Variants in SIRT2 observed in about 807,000 individuals in gnomAD.
SIRT2 encodes the protein NAD-dependent protein deacetylase sirtuin-2.
SIRT2 carries 40 observed loss-of-function variants against 57.4 expected under a neutral mutation model. That is an observed-to-expected ratio of 0.70 (90% confidence interval 0.54 to 0.91). The LOEUF (loss-of-function observed/expected upper bound fraction) is 0.91, where lower values mean the gene tolerates loss of function less well. Among genes scored for constraint, SIRT2 ranks in the 40% least tolerant of loss-of-function variants. SIRT2 has a pLI of 0.00. For synonymous variants in SIRT2, 161 were observed against 195.7 expected, an observed-to-expected ratio of 0.82 and a Z score of 1.48; for missense variants, 439 against 510.4, an observed-to-expected ratio of 0.86 and a Z score of 1.35.
chr19:38,879,257 C>G lies in SIRT2; in HGVS notation c.1068G>C (p.Ser356=). ...RREHASIDAQ[S]GAGVPNPSTS... Reference sequence around the variant, plus strand: ...TGCTGGGGTTGGGGACCCCCGCCCCCGACTGGGCATCTATGCTGGCGTGCT... The same window carrying G: ...TGCTGGGGTTGGGGACCCCCGCCCCGGACTGGGCATCTATGCTGGCGTGCT... Residue 356 remains serine (S), a synonymous_variant, in exon 16 of 16, where the codon TCG becomes TCC. Transcript: ENST00000249396. The G allele has an allele frequency of 6.2e-7, 1 of 1,605,472 alleles. No homozygotes were observed.
chr19:38,898,655 A>G, intron 1 of SIRT2: 1 of 380,160 alleles, frequency 2.6e-6, no homozygotes. Context: ...CTGGAGAGGA[A>G]GATTTAGGGG....
chr19:38,895,348 C>T (rs1973684357), intron 2 of SIRT2, among the ~76,000 whole-genome samples: 1 of 152,204 alleles, frequency 6.6e-6, no homozygotes, highest in African/African-American at 2.4e-5. Flanking sequence ...TCCCAGACAT[C>T]TATGGAATTG....
At chr19:38,893,166 T>C (rs1048444685) in intron 4 of SIRT2, among the ~76,000 whole-genome samples, 2 of 152,016 alleles carry the variant, frequency 1.3e-5, no homozygotes, top group African/African-American at 2.4e-5. Context: ...GAGTTACCTT[T>C]ACCCCAAAAC....
intron 2 of SIRT2, among the ~76,000 whole-genome samples, chr19:38,896,966 C>T (rs1161690902): frequency 6.6e-6 from 1 of 152,150 alleles, no homozygotes; most frequent in East Asian, 1.9e-4. Context: ...CTGACGGGGG[C>T]CTTCAAGCTC....
chr19:38,895,068 C>G (rs532873837), intron 2 of SIRT2, among the ~76,000 whole-genome samples: 2 of 150,698 alleles, frequency 1.3e-5, no homozygotes, highest in Non-Finnish European at 3.0e-5. Context: ...CTGCCCCCGC[C>G]TCCCTCCTCG....
intron 9 of SIRT2, among the ~76,000 whole-genome samples, chr19:38,882,489 G>C (rs1333578257): frequency 2.0e-5 from 3 of 152,048 alleles, no homozygotes; most frequent in Non-Finnish European, 4.4e-5. Flanking sequence ...ATAAAAATTA[G>C]CCAGGGGTTG....
intron 1 of SIRT2, chr19:38,899,067 G>A: frequency 8.7e-6 from 2 of 229,966 alleles, no homozygotes; most frequent in East Asian, 2.0e-4. Context: ...TGGCTGGGAG[G>A]CAGGTTTAGG....
In SIRT2 at chr19:38,880,546, C is replaced by T. The variant is rs1973114264; in HGVS notation, c.876+139G>A. ...ATGTCCCAGAGGCCTGGAACCCGACCCCTCTGGATTCTAGAGCCCCAGGTT... is the reference window on the plus strand; with the variant it reads ...ATGTCCCAGAGGCCTGGAACCCGACTCCTCTGGATTCTAGAGCCCCAGGTT... On this transcript the variant is annotated intron_variant, in intron 13 of 15. Coordinates refer to ENST00000249396, the MANE Select transcript of SIRT2 (RefSeq NM_012237.4). This position sits in a 1 kb window ranked among gnomAD's most constrained non-coding sequence, Gnocchi z 4.1. 2 of 628,312 alleles carry T rather than the reference C, an allele frequency of 3.2e-6. No individual in the cohort carries two copies. Among genetic ancestry groups the T allele is most frequent in the Non-Finnish European group, 5.6e-6 (2 of 356,362 alleles). 38.9% of individuals were successfully genotyped at this position (628,312 alleles called of 1,614,324 possible).
At position 38,878,888 on chromosome 19, in the gene SIRT2, G is replaced by A; in HGVS notation, c.*267C>T. ...GCCCCGTGGGGGCAGTTAGAGATGAGGGAGGTTACTCCTTAGCCCAGGAGT... is the reference window on the plus strand; with the variant it reads ...GCCCCGTGGGGGCAGTTAGAGATGAAGGAGGTTACTCCTTAGCCCAGGAGT... On this transcript the variant is annotated 3_prime_UTR_variant, in exon 16 of 16. Coordinates refer to ENST00000249396, the MANE Select transcript of SIRT2 (RefSeq NM_012237.4). 1 of 397,722 alleles carries A rather than the reference G, an allele frequency of 2.5e-6. No homozygotes were observed. Among genetic ancestry groups the A allele is most frequent in the Non-Finnish European group, 4.4e-6 (1 of 225,182 alleles). 24.6% of individuals were successfully genotyped at this position (397,722 alleles called of 1,614,324 possible). A position where few individuals can be genotyped will look rare whatever the true frequency, so the allele number is the denominator to read the frequency against.
chr19:38,899,359 G>T, intron 1 of SIRT2, 147 bp downstream of exon 1: 1 of 871,656 alleles, frequency 1.1e-6, no homozygotes, highest in Non-Finnish European at 1.8e-6. Flanking sequence ...TAGCGATACA[G>T]ATCGCTAAGC....
intron 4 of SIRT2, among the ~76,000 whole-genome samples, chr19:38,892,229 C>T (rs1001124173): frequency 2.0e-5 from 3 of 152,006 alleles, no homozygotes; most frequent in Non-Finnish European, 4.4e-5. Flanking sequence ...AACCCTGTCT[C>T]TACTAAAATA....
chr19:38,893,913 G>C, intron 2 of SIRT2, 46 bp from the exon 3 acceptor site: 1 of 1,612,394 alleles, frequency 6.2e-7, no homozygotes, highest in Non-Finnish European at 8.5e-7. Flanking sequence ...GGTGGGATTA[G>C]GGAGGGAGGA....
intron 8 of SIRT2, among the ~76,000 whole-genome samples, chr19:38,887,726 T>G (rs189828636): frequency 6.6e-6 from 1 of 152,168 alleles, no homozygotes; most frequent in African/African-American, 2.4e-5. Context: ...GAACACTTAT[T>G]TATTTTCAAT....
intron 2 of SIRT2, 82 bp downstream of exon 2, chr19:38,898,297 T>C (rs909155391): frequency 1.8e-6 from 2 of 1,097,642 alleles, no homozygotes; most frequent in African/African-American, 1.6e-5. Flanking sequence ...GGGTGACTGT[T>C]TCCCCTTTGC....
chr19:38,898,638 A>G (rs1053695306), intron 1 of SIRT2: 1 of 391,622 alleles, frequency 2.6e-6, no homozygotes, highest in African/African-American at 2.1e-5. Flanking sequence ...AGTGAGGGGC[A>G]GAGAGGCTGG....
In SIRT2 at chr19:38,885,285, G is replaced by T. The variant is rs1303513307; in HGVS notation, c.502-1529C>A. 4.0e-5 allele frequency among the ~76,000 whole-genome samples: 6 copies of T among 151,648 alleles called. 1 individual carries two copies. The highest frequency in any genetic ancestry group is 4.1e-4 in the South Asian group (2 of 4,820). On this transcript the variant is annotated intron_variant, in intron 8 of 15. Transcript: ENST00000249396. The stretch of plus-strand genomic sequence containing the variant: ...TCTTTTTAATTATTTTTGTAGAGAT[G>T]GGGGGTGGGGTGGTCTCCCTATTTG...
intron 3 of SIRT2, 59 bp from the exon 4 acceptor site, chr19:38,893,586 C>T (rs1192915326): frequency 7.6e-7 from 1 of 1,315,400 alleles, no homozygotes; most frequent in African/African-American, 1.5e-5. Context: ...GCATGGATGT[C>T]TCCGGCACCC....
At position 38,878,971 on chromosome 19, in the gene SIRT2, G is replaced by T. The variant is rs200804264; in HGVS notation, c.*184C>A. ...GTTTAAGCCTTGGCCTCTAGGAGGT[G>T]TTAGAGATTTGCTGGGGTTGGGGGC... On this transcript the variant is annotated 3_prime_UTR_variant, in exon 16 of 16. Coordinates refer to ENST00000249396, the MANE Select transcript of SIRT2 (RefSeq NM_012237.4). The T allele has an allele frequency of 2.1e-5, 12 of 582,642 alleles. No homozygotes were observed. The highest frequency in any genetic ancestry group is 3.5e-5 in the Non-Finnish European group (12 of 343,372). 36.1% of individuals were successfully genotyped at this position (582,642 alleles called of 1,614,324 possible).
intron 2 of SIRT2, among the ~76,000 whole-genome samples, chr19:38,894,569 G>C (rs564452464): frequency 5.3e-5 from 8 of 152,144 alleles, no homozygotes; most frequent in African/African-American, 1.9e-4. Flanking sequence ...CCCCTGGAGC[G>C]TGGGCCTGCT....
Sources: gnomAD v4.1 joint callset for allele counts (sites outside exome capture counted in the v4.1 genomes callset) on GRCh38, gnomAD v4.1.1 for gene constraint, Gnocchi (gnomAD v3.1) non-coding constraint, MANE v1.5 for transcripts, NCBI Gene and HGNC (gene_info 2026-07-23, HGNC 2026-07-21) for gene names.